Variants in FRMD5 observed in about 807,000 individuals in gnomAD.
The protein encoded by FRMD5 is FERM domain containing 5.
In FRMD5, 20 loss-of-function variants were observed where a neutral mutation model predicts 69.0. That is an observed-to-expected ratio of 0.29 (90% CI 0.20 to 0.42). The LOEUF (loss-of-function observed/expected upper bound fraction) is 0.42. Among genes scored for constraint, FRMD5 ranks in the 10% least tolerant of loss-of-function variants. The pLI is 1.00. For missense variants in FRMD5, 595 were observed against 708.6 expected, an observed-to-expected ratio of 0.84 and a Z score of 1.82; for synonymous variants, 271 against 260.1, an observed-to-expected ratio of 1.04 and a Z score of -0.40.
rs1169583239 is a variant in FRMD5 at position 44,109,990 on chromosome 15, T to C, written c.102+84963A>G. ...TCATGGCTTGATAACACAGTTCTTT[T>C]TAGTGCTAAGTGTACCATGGTTTAT... is the stretch of plus-strand genomic sequence containing the variant. On this transcript the variant is annotated intron_variant, in intron 1 of 13. Coordinates refer to ENST00000417257, the MANE Select transcript of FRMD5 (RefSeq NM_032892.5). 2.6e-5 allele frequency among the ~76,000 whole-genome samples: 4 copies of C among 152,252 alleles called. No homozygotes were observed. The East Asian group carries it at 7.7e-4, about 29-fold the overall frequency.
chr15:44,141,764 C>T (rs141431957), intron 1 of FRMD5, among the ~76,000 whole-genome samples: 39 of 152,298 alleles, frequency 2.6e-4, no homozygotes, highest in Admixed American at 1.1e-3. Context: ...TTTCCAAGTG[C>T]TGTTATTAGA....
intron 1 of FRMD5, among the ~76,000 whole-genome samples, chr15:44,126,246 A>G (rs772244625): frequency 5.3e-5 from 8 of 152,250 alleles, no homozygotes; most frequent in Non-Finnish European, 7.3e-5. Flanking sequence ...TATGGCTCCA[A>G]CTGACAGCTT....
chr15:44,101,429 C>T (rs890432024), intron 1 of FRMD5: 44 of 152,734 alleles, frequency 2.9e-4, no homozygotes, highest in African/African-American at 1.0e-3. Flanking sequence ...ACAATACTAA[C>T]TCCATAGCCT....
At chr15:43,936,483 G>A (rs982071293) in intron 1 of FRMD5, among the ~76,000 whole-genome samples, 8 of 152,110 alleles carry the variant, frequency 5.3e-5, no homozygotes, top group Non-Finnish European at 1.2e-4. Context: ...GAGCCACCAC[G>A]CCCGGCCAAG....
intron 1 of FRMD5, among the ~76,000 whole-genome samples, chr15:44,040,992 C>CAAAA (rs71421819): frequency 5.7e-4 from 10 of 17,498 alleles, no homozygotes; most frequent in African/African-American, 1.5e-3. Context: ...AAATGGAAAG[C>CAAAA]AAAAAAAAAA....
chr15:43,882,312 G>T (rs1335100331), intron 13 of FRMD5, among the ~76,000 whole-genome samples: 1 of 152,150 alleles, frequency 6.6e-6, no homozygotes, highest in Non-Finnish European at 1.5e-5. Context: ...GGGTCGTATT[G>T]AATTTCCTGA....
intron 1 of FRMD5, among the ~76,000 whole-genome samples, chr15:44,133,194 C>T (rs1449541813): frequency 5.0e-5 from 7 of 139,840 alleles, no homozygotes; most frequent in African/African-American, 1.9e-4. Flanking sequence ...AGCCTGGCGA[C>T]ACTGCGAGAC....
chr15:44,171,529 T>C (rs988194982), intron 1 of FRMD5, among the ~76,000 whole-genome samples: 1 of 152,190 alleles, frequency 6.6e-6, no homozygotes, highest in African/African-American at 2.4e-5. Context: ...ATGCTGCCCA[T>C]GTAGTATCTT....
At chr15:44,092,899 G>C (rs2076493098) in intron 1 of FRMD5, among the ~76,000 whole-genome samples, 3 of 142,042 alleles carry the variant, frequency 2.1e-5, no homozygotes, top group Non-Finnish European at 4.6e-5. Context: ...TTGCATTATA[G>C]TAATTGTATA....
At chr15:43,878,997 G>A (rs891420973) in intron 13 of FRMD5, among the ~76,000 whole-genome samples, 19 of 145,506 alleles carry the variant, frequency 1.3e-4, no homozygotes, top group Admixed American at 2.8e-4. Context: ...GAGTGCAATG[G>A]TGCAATCTCG....
chr15:44,101,285 C>A (rs1198092662), intron 1 of FRMD5, among the ~76,000 whole-genome samples: 3 of 152,098 alleles, frequency 2.0e-5, no homozygotes, highest in African/African-American at 7.2e-5. Context: ...GAGGGGCTTT[C>A]CCCCAGAAAG....
intron 1 of FRMD5, among the ~76,000 whole-genome samples, chr15:44,119,053 C>T (rs1398492414): frequency 6.6e-6 from 1 of 152,138 alleles, no homozygotes; most frequent in Non-Finnish European, 1.5e-5. Flanking sequence ...GCCTCGACCT[C>T]GTGGGCTCAA....
intron 1 of FRMD5, among the ~76,000 whole-genome samples, chr15:44,034,607 A>G (rs1291589847): frequency 4.6e-5 from 7 of 152,176 alleles, no homozygotes; most frequent in Non-Finnish European, 8.8e-5. Context: ...GTGCCCATCT[A>G]TCTTAGGAAA....
intron 4 of FRMD5, 34 bp from the exon 5 acceptor site, chr15:43,910,013 T>A: frequency 8.3e-7 from 1 of 1,210,450 alleles, no homozygotes; most frequent in Non-Finnish European, 1.2e-6. Flanking sequence ...CTATAAAGGA[T>A]TTCTTTGATT....
intron 1 of FRMD5, among the ~76,000 whole-genome samples, chr15:44,138,547 C>G (rs1423805586): frequency 6.6e-6 from 1 of 152,116 alleles, no homozygotes; most frequent in Non-Finnish European, 1.5e-5. Context: ...CCATGCCCAG[C>G]TAAGCCATCA....
intron 1 of FRMD5, among the ~76,000 whole-genome samples, chr15:44,081,557 G>A (rs1347532484): frequency 6.6e-6 from 1 of 151,964 alleles, no homozygotes; most frequent in Non-Finnish European, 1.5e-5. Context: ...TGGTCCAGTC[G>A]TTTACTTATA....
intron 1 of FRMD5, among the ~76,000 whole-genome samples, chr15:44,106,315 G>T (rs2140554467): frequency 6.6e-6 from 1 of 152,166 alleles, no homozygotes; most frequent in Admixed American, 6.5e-5. Flanking sequence ...TCCCTTTAAG[G>T]ATAGAGTCTA....
At chr15:44,016,448 C>T (rs535115783) in intron 1 of FRMD5, among the ~76,000 whole-genome samples, 10 of 152,204 alleles carry the variant, frequency 6.6e-5, no homozygotes, top group African/African-American at 2.2e-4. Flanking sequence ...GGAGGTTGGG[C>T]GCAGTGGTTC....
intron 1 of FRMD5, among the ~76,000 whole-genome samples, chr15:44,046,026 C>G (rs1330467010): frequency 6.6e-6 from 1 of 152,094 alleles, no homozygotes; most frequent in South Asian, 2.1e-4. Context: ...TTACTTTAAA[C>G]AGTACCTTAG....
Sources: gnomAD v4.1 joint callset for allele counts (sites outside exome capture counted in the v4.1 genomes callset) on GRCh38, gnomAD v4.1.1 for gene constraint, MANE v1.5 for transcripts, NCBI Gene and HGNC (gene_info 2026-07-23, HGNC 2026-07-21) for gene names.